MKRN2: variants seen among roughly 807,000 people sequenced by gnomAD.
MKRN2 encodes E3 ubiquitin-protein ligase makorin-2.
A neutral mutation model predicts 45.4 loss-of-function variants in MKRN2; 32 were observed. That is an observed-to-expected ratio of 0.70 (90% confidence interval 0.53 to 0.95). The LOEUF is 0.95. MKRN2 is among the 40% of genes least tolerant of loss of function. The probability of loss-of-function intolerance (pLI) is 0.00; values close to 1 mark genes in which losing one functional copy is unlikely to be tolerated. For synonymous variants in MKRN2, 206 were observed against 192.4 expected, an observed-to-expected ratio of 1.07 and a Z score of -0.59; for missense variants, 526 against 536.7, an observed-to-expected ratio of 0.98 and a Z score of 0.20.
At position 12,572,146 on chromosome 3, in the gene MKRN2, A is replaced by T. The variant is rs2058103477; in HGVS notation, c.415A>T (p.Ser139Cys). Residue 139 changes from serine (S) to cysteine (C), a missense_variant, in exon 4 of 8, where the codon AGC (serine) becomes TGC (cysteine). Coordinates refer to ENST00000170447, the MANE Select transcript of MKRN2 (RefSeq NM_014160.5). ...AGGCAGCTGCAGCGACCCCCAGCCC[A>T]GCCCCGAGATGAAGCCGCATTCCTA... ...NPGSCSDPQP[S>C]PEMKPHSYLD... The T allele has an allele frequency of 6.2e-7, 1 of 1,614,008 alleles. No individual in the cohort carries two copies. Among genetic ancestry groups the T allele is most frequent in the Admixed American group, 1.7e-5 (1 of 59,978 alleles).
rs770832357 is a variant in MKRN2 at position 12,572,054 on chromosome 3, G to T, written c.338-15G>T. ...GGCCATTTTCATGTGCATGTGTGCTGTGTGTTGTTTTCAGATCTCTCTGGC... is the reference window on the plus strand; with the variant it reads ...GGCCATTTTCATGTGCATGTGTGCTTTGTGTTGTTTTCAGATCTCTCTGGC... On this transcript the variant is annotated splice_polypyrimidine_tract_variant and intron_variant, in intron 3 of 7. Transcript: ENST00000170447. 114 of 1,579,906 alleles carry T rather than the reference G, an allele frequency of 7.2e-5. No homozygotes were observed. The highest frequency in any genetic ancestry group is 9.0e-5 in the Non-Finnish European group (104 of 1,161,296).
chr3:12,563,621 C>G (rs1428770654), intron 1 of MKRN2, among the ~76,000 whole-genome samples: 2 of 148,816 alleles, frequency 1.3e-5, no homozygotes, highest in South Asian at 4.3e-4. Flanking sequence ...TCCCGAGTAG[C>G]TGGGATTACA....
chr3:12,567,493 T>G (rs2058076212), intron 1 of MKRN2, among the ~76,000 whole-genome samples: 1 of 147,974 alleles, frequency 6.8e-6, no homozygotes, highest in African/African-American at 2.5e-5. Flanking sequence ...TTTTTTTTTT[T>G]TTTTTTTTTT....
chr3:12,581,775 C>T, intron 6 of MKRN2, 33 bp from the exon 7 acceptor site: 1 of 1,611,136 alleles, frequency 6.2e-7, no homozygotes, highest in Non-Finnish European at 8.5e-7. Context: ...CATTTTCCCA[C>T]CAGCCTCTTG....
chr3:12,572,553 C>T (rs1276764742), intron 4 of MKRN2, among the ~76,000 whole-genome samples, 180 bp downstream of exon 4: 1 of 152,028 alleles, frequency 6.6e-6, no homozygotes, highest in Non-Finnish European at 1.5e-5. Flanking sequence ...GGTATATTTA[C>T]ATCCTGTTTT....
intron 2 of MKRN2, 125 bp from the exon 3 acceptor site, chr3:12,569,945 TG>T: frequency 1.2e-6 from 1 of 854,586 alleles, no homozygotes; most frequent in Non-Finnish European, 1.8e-6. Flanking sequence ...GTTTAAATAT[TG>T]GAAAAGATGG....
chr3:12,563,601 T>C (rs1316080218), intron 1 of MKRN2, among the ~76,000 whole-genome samples: 1 of 148,434 alleles, frequency 6.7e-6, no homozygotes, highest in Non-Finnish European at 1.5e-5. Context: ...GCGATTCTCA[T>C]GCCTCAGCTT....
At chr3:12,575,892 G>A (rs780509127) in intron 5 of MKRN2, among the ~76,000 whole-genome samples, 10 of 152,150 alleles carry the variant, frequency 6.6e-5, no homozygotes, top group East Asian at 1.9e-4. Flanking sequence ...TTGTATGGAC[G>A]CAGCACATTT....
At chr3:12,572,510 TC>T in intron 4 of MKRN2, 137 bp downstream of exon 4, 1 of 730,436 alleles carries the variant, frequency 1.4e-6, no homozygotes, top group Non-Finnish European at 2.0e-6. Context: ...TCCACAGGCA[TC>T]CCCCTGCCAG....
chr3:12,560,607 AG>A (rs1237592041), intron 1 of MKRN2: 1 of 152,188 alleles, frequency 6.6e-6, no homozygotes, highest in Non-Finnish European at 1.5e-5. Context: ...TGTTTTGCTT[AG>A]CACTGCTGCT....
chr3:12,574,920 G>A lies in MKRN2; in HGVS notation c.771G>A (p.Gly257=). 1 of 1,614,228 alleles carries A rather than the reference G, an allele frequency of 6.2e-7. No homozygotes were observed. Among genetic ancestry groups the A allele is most frequent in the Middle Eastern group, 1.7e-4 (1 of 6,060 alleles). ...EKASASERRF[G]ILSNCNHTYC... The stretch of plus-strand genomic sequence containing the variant: ...CCTCTGCTTCTGAGAGGAGATTTGG[G>A]ATTCTCTCCAATTGCAATCACACGT... The change falls in exon 5 of 8, where the codon GGG becomes GGA. Residue 257 remains glycine, a synonymous_variant. Coordinates refer to ENST00000170447, the MANE Select transcript of MKRN2 (RefSeq NM_014160.5).
chr3:12,568,582 C>G (rs2058081953), intron 1 of MKRN2, among the ~76,000 whole-genome samples: 1 of 152,168 alleles, frequency 6.6e-6, no homozygotes, highest in Non-Finnish European at 1.5e-5. Context: ...AGTGTTTTCT[C>G]AATTATGTGG....
intron 4 of MKRN2, among the ~76,000 whole-genome samples, chr3:12,574,342 G>GGAGA (rs751687731): frequency 2.0e-5 from 3 of 152,206 alleles, no homozygotes; most frequent in Admixed American, 6.5e-5. Context: ...ATTTTCTTGG[G>GGAGA]GAGAAGTGGT....
intron 2 of MKRN2, 112 bp from the exon 3 acceptor site, chr3:12,569,959 G>A (rs1013509366): frequency 3.0e-5 from 31 of 1,021,858 alleles, no homozygotes; most frequent in African/African-American, 8.0e-5. Flanking sequence ...AAAGATGGCC[G>A]CCTTCTTCAC....
Position 12,570,033 on chromosome 3 carries a change from G to A in MKRN2, c.156-38G>A, listed in dbSNP as rs577268577. 19 of 1,540,378 alleles carry A rather than the reference G, an allele frequency of 1.2e-5. No individual in the cohort carries two copies. The East Asian group carries it at 3.9e-4, about 31-fold the overall frequency. The stretch of plus-strand genomic sequence containing the variant: ...GGGAGTGTGGGAGATGTGTGTGGGT[G>A]GCATGTCTGTAATGCATCTGCTGTG... On this transcript the variant is annotated intron_variant, in intron 2 of 7. Transcript: ENST00000170447.
chr3:12,575,680 G>A (rs2058130228), intron 5 of MKRN2, among the ~76,000 whole-genome samples: 1 of 152,158 alleles, frequency 6.6e-6, no homozygotes, highest in Non-Finnish European at 1.5e-5. Flanking sequence ...CTGCTCTATT[G>A]AGATAAAAGC....
chr3:12,580,887 G>A (rs947595389), intron 6 of MKRN2, among the ~76,000 whole-genome samples: 3 of 152,134 alleles, frequency 2.0e-5, no homozygotes, highest in South Asian at 2.1e-4. Context: ...CTTGTCTCCC[G>A]CTGTCACACA....
At chr3:12,575,047 A>G (rs764970101) in intron 5 of MKRN2, 41 bp downstream of exon 5, 2 of 1,570,252 alleles carry the variant, frequency 1.3e-6, no homozygotes, top group Non-Finnish European at 1.8e-6. Flanking sequence ...AGCTAGGAGA[A>G]TGTTTGATTT....
Position 12,574,937 on chromosome 3 carries a change from A to G in MKRN2, c.788A>G (p.Asn263Ser), listed in dbSNP as rs2058121953. Residue 263 changes from asparagine (N) to serine (S), a missense_variant, in exon 5 of 8, where the codon AAT (asparagine) becomes AGT (serine). Transcript: ENST00000170447. ...ERRFGILSNC[N>S]HTYCLSCIRQ... The stretch of plus-strand genomic sequence containing the variant: ...AGATTTGGGATTCTCTCCAATTGCA[A>G]TCACACGTACTGTTTGTCCTGCATC... 8.7e-6 allele frequency: 14 copies of G among 1,614,120 alleles called. No homozygotes were observed. Among genetic ancestry groups the G allele is most frequent in the African/African-American group, 1.3e-5 (1 of 74,940 alleles).
Sources: allele counts gnomAD v4.1 joint callset (sites outside exome capture counted in the v4.1 genomes callset), GRCh38; gene constraint gnomAD v4.1.1; transcripts MANE v1.5; gene names NCBI Gene and HGNC (gene_info 2026-07-23, HGNC 2026-07-21).